Variants in THRB observed in about 807,000 individuals in gnomAD.
The protein encoded by THRB is thyroid hormone receptor beta, also known as nuclear receptor subfamily 1 group A member 2.
A neutral mutation model predicts 47.8 loss-of-function variants in THRB; 12 were observed. The ratio of observed to expected loss-of-function variants is 0.25; its 90% CI spans 0.16 to 0.41. The LOEUF (loss-of-function observed/expected upper bound fraction) is 0.41. Ranked by LOEUF, THRB falls within the 10% of genes least tolerant of loss-of-function variation. THRB has a pLI of 1.00. For missense variants in THRB, 348 were observed against 589.2 expected, an observed-to-expected ratio of 0.59 and a Z score of 4.24; for synonymous variants, 218 against 212.2, an observed-to-expected ratio of 1.03 and a Z score of -0.24.
intron 1 of THRB, among the ~76,000 whole-genome samples, chr3:24,361,495 A>T (rs546364946): frequency 2.0e-5 from 3 of 152,274 alleles, no homozygotes; most frequent in South Asian, 2.1e-4. Context: ...AGGGGGCAGG[A>T]GGCATTTGGA....
In THRB at chr3:24,137,283, G is replaced by T. The variant is rs115720414; in HGVS notation, c.739-3821C>A. On this transcript the variant is annotated intron_variant, in intron 8 of 10. Transcript: ENST00000646209. Reference sequence around the variant, plus strand: ...ATGTATACTTATACCAATATTTATTGAGCAGGTACTGTGGGCCAGGCCTAG... The same window carrying T: ...ATGTATACTTATACCAATATTTATTTAGCAGGTACTGTGGGCCAGGCCTAG... 3.2e-4 allele frequency among the ~76,000 whole-genome samples: 49 copies of T among 152,340 alleles called. 1 individual carries two copies. Among genetic ancestry groups the T allele is most frequent in the African/African-American group, 1.1e-3 (45 of 41,576 alleles).
chr3:24,370,943 C>G (rs925801820), intron 1 of THRB, among the ~76,000 whole-genome samples: 4 of 152,124 alleles, frequency 2.6e-5, no homozygotes, highest in African/African-American at 9.7e-5. Flanking sequence ...TAATTAAGCT[C>G]TGTTTGCAGG....
chr3:24,200,887 G>A (rs2044514833), intron 4 of THRB, among the ~76,000 whole-genome samples: 1 of 152,186 alleles, frequency 6.6e-6, no homozygotes, highest in African/African-American at 2.4e-5. Context: ...CAGGTCCACA[G>A]AATACTTTTA....
Position 24,398,887 on chromosome 3 carries a change from A to G in THRB, c.-260-61516T>C, listed in dbSNP as rs1274657325. On this transcript the variant is annotated intron_variant, in intron 1 of 10. Transcript: ENST00000646209. ...ATGTGGCACATATACACCATGGAAT[A>G]CTATGCAGCCATAAAAAATGATGAG... Among the ~76,000 whole-genome samples, 13 of 152,292 alleles carry G rather than the reference A, an allele frequency of 8.5e-5. No homozygotes were observed. The South Asian group carries it at 2.7e-3, about 32-fold the overall frequency.
intron 3 of THRB, among the ~76,000 whole-genome samples, chr3:24,293,599 C>T (rs2056167972): frequency 6.6e-6 from 1 of 152,142 alleles, no homozygotes; most frequent in African/African-American, 2.4e-5. Flanking sequence ...TACAAAGGTA[C>T]AGTAATCTAT....
chr3:24,430,010 T>C (rs974893299), intron 1 of THRB: 1 of 151,978 alleles, frequency 6.6e-6, no homozygotes, highest in Non-Finnish European at 1.5e-5. Flanking sequence ...TAACAGAACA[T>C]GTTTGTCCTC....
rs116112793 is a variant in THRB at position 24,224,514 on chromosome 3, G to A, written c.22+4424C>T. ...TAGGTTGTAGGACATATGCACCACC[G>A]TGAATCTATTTCTGAAGGAAGAAAT... On this transcript the variant is annotated intron_variant, in intron 4 of 10. Transcript: ENST00000646209. Among the ~76,000 whole-genome samples the A allele has an allele frequency of 8.0e-3, 1,220 of 152,172 alleles. 20 individuals are homozygous for A. Among genetic ancestry groups the A allele is most frequent in the African/African-American group, 0.027 (1,125 of 41,512 alleles).
At chr3:24,282,625 A>G (rs1290608903) in intron 3 of THRB, among the ~76,000 whole-genome samples, 1 of 137,392 alleles carries the variant, frequency 7.3e-6, no homozygotes, top group East Asian at 2.1e-4. Flanking sequence ...AAAACCCTTC[A>G]GAAAGTTAAC....
rs967537427 is a variant in THRB at position 24,119,774 on chromosome 3, AG to A, written c.*3109del. 1 of 152,238 alleles carries A rather than the reference AG, an allele frequency of 6.6e-6. No individual in the cohort carries two copies. Among genetic ancestry groups the A allele is most frequent in the African/African-American group, 2.4e-5 (1 of 41,462 alleles). The allele number at this position is 152,238 out of a possible 1,614,324, so 9.4% of individuals were successfully genotyped here. Reference sequence around the variant, plus strand: ...TGAGGCGGCACGTGGTGTTTTGAGCAGAATCATAAAGAAGAAAACATCTTAC... The same window carrying A: ...TGAGGCGGCACGTGGTGTTTTGAGCAAATCATAAAGAAGAAAACATCTTAC... On this transcript the variant is annotated 3_prime_UTR_variant, in exon 11 of 11. Coordinates refer to ENST00000646209, the MANE Select transcript of THRB (RefSeq NM_001354712.2).
intron 1 of THRB, among the ~76,000 whole-genome samples, chr3:24,472,971 A>T (rs6772119): frequency 0.045 from 6,794 of 152,228 alleles, 482 homozygotes; most frequent in African/African-American, 0.15. Flanking sequence ...GAGACTCAAG[A>T]TGAGCTTATC....
intron 5 of THRB, among the ~76,000 whole-genome samples, chr3:24,154,858 T>G (rs1225667398): frequency 6.6e-6 from 1 of 152,182 alleles, no homozygotes; most frequent in Non-Finnish European, 1.5e-5. Context: ...AAGTATGGAA[T>G]GCAGAGATAA....
intron 8 of THRB, among the ~76,000 whole-genome samples, chr3:24,139,515 T>C (rs1284373755): frequency 2.0e-5 from 3 of 152,040 alleles, no homozygotes; most frequent in African/African-American, 7.2e-5. Context: ...TCCTGAGTAG[T>C]GGGGAACCAC....
At chr3:24,247,481 C>A (rs550797588) in intron 3 of THRB, among the ~76,000 whole-genome samples, 1 of 152,162 alleles carries the variant, frequency 6.6e-6, no homozygotes, top group Non-Finnish European at 1.5e-5. Flanking sequence ...AGATGTGACT[C>A]CCTTGCCCAA....
At chr3:24,123,436 A>G (rs2032085638) in intron 10 of THRB, among the ~76,000 whole-genome samples, 1 of 152,212 alleles carries the variant, frequency 6.6e-6, no homozygotes, top group Non-Finnish European at 1.5e-5. Context: ...GAAGCCTGAC[A>G]TAGCTGAAAT....
chr3:24,391,958 T>A (rs537405689), intron 1 of THRB, among the ~76,000 whole-genome samples: 10 of 152,314 alleles, frequency 6.6e-5, no homozygotes, highest in Admixed American at 5.2e-4. Context: ...AGGGCAGCCA[T>A]GCTGAAATTG....
intron 2 of THRB, among the ~76,000 whole-genome samples, chr3:24,329,127 T>C (rs2061762558): frequency 6.6e-6 from 1 of 152,098 alleles, no homozygotes; most frequent in African/African-American, 2.4e-5. Context: ...TTTGATTTTG[T>C]AGAGATGGGG....
At chr3:24,429,713 G>A (rs908992687) in intron 1 of THRB, among the ~76,000 whole-genome samples, 3 of 151,982 alleles carry the variant, frequency 2.0e-5, no homozygotes, top group Non-Finnish European at 4.4e-5. Flanking sequence ...TTACTATGTT[G>A]CCCAGGCTGA....
At chr3:24,202,666 G>T (rs1209451246) in intron 4 of THRB, among the ~76,000 whole-genome samples, 5 of 152,192 alleles carry the variant, frequency 3.3e-5, no homozygotes, top group Non-Finnish European at 7.3e-5. Flanking sequence ...GATACTGAGC[G>T]TCAATGCCTA....
In THRB at chr3:24,158,436, G is replaced by T. The variant is rs1301262161; in HGVS notation, c.284-5946C>A. Among the ~76,000 whole-genome samples the T allele has an allele frequency of 1.3e-4, 12 of 94,936 alleles. No individual in the cohort carries two copies. The South Asian group carries it at 1.7e-3, about 13-fold the overall frequency. The allele number at this position is 94,936 out of a possible 152,430, so 62.3% of individuals were successfully genotyped here. A position where few individuals can be genotyped will look rare whatever the true frequency, so the allele number is the denominator to read the frequency against. ...AAATGATAACTTTTTTTTTTTTTGG[G>T]GGGAGGGTGGGGGACGAGTTTCACT... is the stretch of plus-strand genomic sequence containing the variant. On this transcript the variant is annotated intron_variant, in intron 5 of 10. Transcript: ENST00000646209.
Sources: allele counts gnomAD v4.1 joint callset (sites outside exome capture counted in the v4.1 genomes callset), GRCh38; gene constraint gnomAD v4.1.1; transcripts MANE v1.5; gene names NCBI Gene and HGNC (gene_info 2026-07-23, HGNC 2026-07-21).